SLF2: variants seen among roughly 807,000 people sequenced by gnomAD.
SLF2 encodes SMC5/6 complex localization factor 2.
SLF2 carries 68 observed loss-of-function variants against 124.3 expected under a neutral mutation model. The observed-to-expected ratio is 0.55, with a 90% confidence interval of 0.45 to 0.67. The LOEUF is 0.67. Ranked by LOEUF, SLF2 falls within the 30% of genes least tolerant of loss-of-function variation. SLF2 has a pLI of 0.00. For missense variants in SLF2, 1,246 were observed against 1,373.7 expected (o/e 0.91, Z 1.47); for synonymous variants, 480 against 478.8 (o/e 1.00, Z -0.03).
intron 7 of SLF2, 65 bp from the exon 8 acceptor site, chr10:100,929,765 C>A: frequency 7.9e-7 from 1 of 1,269,708 alleles, no homozygotes; most frequent in Non-Finnish European, 1.1e-6. Flanking sequence ...TTGCACCCAG[C>A]TTTTAAATAC....
intron 11 of SLF2, among the ~76,000 whole-genome samples, chr10:100,941,922 T>G (rs1041101259): frequency 1.3e-5 from 2 of 152,174 alleles, no homozygotes; most frequent in Non-Finnish European, 2.9e-5. Context: ...AACAAGTTCT[T>G]CACATGTAGC....
In SLF2 at chr10:100,927,941, G is replaced by A. The variant is rs967749175; in HGVS notation, c.2043-1376G>A. ...TTGCCTGTTTTTAATTGGCTTGTTT[G>A]GTGGGTGGGGCGGTTCACACAGGTA... On this transcript the variant is annotated intron_variant, in intron 6 of 19. Transcript: ENST00000238961. 3.3e-5 allele frequency among the ~76,000 whole-genome samples: 5 copies of A among 150,664 alleles called. No individual in the cohort carries two copies. In the East Asian group the frequency reaches 7.7e-4, roughly 23 times the overall value.
At chr10:100,922,552 T>C (rs940591240) in intron 4 of SLF2, among the ~76,000 whole-genome samples, 4 of 152,200 alleles carry the variant, frequency 2.6e-5, no homozygotes, top group Non-Finnish European at 5.9e-5. Flanking sequence ...CATCTGTCCA[T>C]GTGCAGAAAA....
intron 12 of SLF2, 77 bp from the exon 13 acceptor site, chr10:100,945,253 A>G: frequency 8.1e-7 from 1 of 1,231,370 alleles, no homozygotes; most frequent in Non-Finnish European, 1.1e-6. Flanking sequence ...CTTTTGTCAA[A>G]AAGAGTTTAT....
chr10:100,916,843 C>G lies in SLF2; in HGVS notation c.458C>G (p.Ser153Cys). 6.2e-7 allele frequency: 1 copy of G among 1,614,158 alleles called. No homozygotes were observed. The highest frequency in any genetic ancestry group is 8.5e-7 in the Non-Finnish European group (1 of 1,180,030). The stretch of plus-strand genomic sequence containing the variant: ...AAAGGAACAAATATCTATGTTCCTT[C>G]TTCATATCACTTGCCAAAGGAGATG... ...LAKGTNIYVP[S>C]SYHLPKEMKS... Residue 153 changes from serine (S) to cysteine (C), a missense_variant, in exon 3 of 20, where the codon TCT (serine) becomes TGT (cysteine). This residue lies in a region of SLF2 where 698 missense variants were observed against 708.9 expected (regional missense o/e 0.98). Transcript: ENST00000238961.
In SLF2 at chr10:100,923,987, A is replaced by G. The variant is rs1237565188; in HGVS notation, c.986A>G (p.Gln329Arg). 3 of 1,544,044 alleles carry G rather than the reference A, an allele frequency of 1.9e-6. No individual in the cohort carries two copies. In the South Asian group the frequency reaches 3.8e-5, roughly 20 times the overall value. ...AATTAAATTTTAGCAGGCTCTAAGC[A>G]GAATAAATTCCCTGAAAAAAGAAAA... Reference protein sequence around the residue: ...SWEPTSAGSKQNKFPEKRKRN... With the variant: ...SWEPTSAGSKRNKFPEKRKRN... Residue 329 changes from glutamine to arginine, a missense_variant, in exon 5 of 20, where the codon CAG (glutamine) becomes CGG (arginine). Gln to Arg is a conservative substitution (Grantham distance 43, BLOSUM62 1). Transcript: ENST00000238961.
intron 9 of SLF2, among the ~76,000 whole-genome samples, chr10:100,937,003 GTAC>G: frequency 6.6e-6 from 1 of 152,096 alleles, no homozygotes; most frequent in East Asian, 1.9e-4. Flanking sequence ...TGTGTAATGA[GTAC>G]TACTTCATAA....
rs1850122836 is a variant in SLF2 at position 100,947,293 on chromosome 10, T to G, written c.3032+157T>G. Among the ~76,000 whole-genome samples, 3 of 152,194 alleles carry G rather than the reference T, an allele frequency of 2.0e-5. No homozygotes were observed. The South Asian group carries it at 6.2e-4, about 31-fold the overall frequency. On this transcript the variant is annotated intron_variant, in intron 14 of 19. Coordinates refer to ENST00000238961, the MANE Select transcript of SLF2 (RefSeq NM_018121.4). ...AGAAAAGGCATTGATAGCCTGATTC[T>G]GCCTTATTCTAATTCTTAACTCAGG... is the stretch of plus-strand genomic sequence containing the variant.
intron 19 of SLF2, among the ~76,000 whole-genome samples, chr10:100,960,740 C>T (rs904452629): frequency 1.3e-5 from 2 of 151,602 alleles, no homozygotes; most frequent in Non-Finnish European, 1.5e-5. Flanking sequence ...GTTGCCTTTC[C>T]TTTATTTTTA....
chr10:100,955,828 C>T (rs1017285691), intron 17 of SLF2, among the ~76,000 whole-genome samples: 26 of 151,364 alleles, frequency 1.7e-4, no homozygotes, highest in Non-Finnish European at 1.6e-4. Flanking sequence ...ATCGCCTGAA[C>T]CTGGGAGCCA....
At chr10:100,935,674 T>G (rs1393939007) in intron 9 of SLF2, among the ~76,000 whole-genome samples, 1 of 151,420 alleles carries the variant, frequency 6.6e-6, no homozygotes, top group Non-Finnish European at 1.5e-5. Context: ...AGTGAGACTC[T>G]GTCTCAAAAA....
chr10:100,945,228 A>C (rs1369574567), intron 12 of SLF2, 102 bp from the exon 13 acceptor site: 1 of 927,980 alleles, frequency 1.1e-6, no homozygotes, highest in Non-Finnish European at 1.6e-6. Context: ...TTTTCTTTAT[A>C]GTTCTTTTTT....
At position 100,962,034 on chromosome 10, in the gene SLF2, C is replaced by A; in HGVS notation, c.*122C>A. On this transcript the variant is annotated 3_prime_UTR_variant, in exon 20 of 20. Coordinates refer to ENST00000238961, the MANE Select transcript of SLF2 (RefSeq NM_018121.4). The stretch of plus-strand genomic sequence containing the variant: ...AAGAAAATGTACAGCAAATGTGCCA[C>A]TTGAATATCTAGTATGAAGCTGGTA... 1.2e-6 allele frequency: 1 copy of A among 840,214 alleles called. No homozygotes were observed. The allele number at this position is 840,214 out of a possible 1,614,324, so 52.0% of individuals were successfully genotyped here.
At position 100,916,012 on chromosome 10, in the gene SLF2, A is replaced by G. The variant is rs1849406053; in HGVS notation, c.154A>G (p.Ile52Val). 1 of 1,611,588 alleles carries G rather than the reference A, an allele frequency of 6.2e-7. No homozygotes were observed. Among genetic ancestry groups the G allele is most frequent in the Non-Finnish European group, 8.5e-7 (1 of 1,178,478 alleles). ...ESPGDRKQSI[I>V]DFFKPASKQD... is the part of the protein sequence containing the mutation. Reference sequence around the variant, plus strand: ...TTTTATTTTCAGGAAGCAGTCAATTATAGATTTCTTCAAACCAGCTTCAAA... The same window carrying G: ...TTTTATTTTCAGGAAGCAGTCAATTGTAGATTTCTTCAAACCAGCTTCAAA... Residue 52 changes from isoleucine (I) to valine (V), a missense_variant, in exon 2 of 20, where the codon ATA (isoleucine) becomes GTA (valine). Ile to Val is a conservative substitution (Grantham distance 29, BLOSUM62 3). This residue lies in a region of SLF2 where 698 missense variants were observed against 708.9 expected (regional missense o/e 0.98). Coordinates refer to ENST00000238961, the MANE Select transcript of SLF2 (RefSeq NM_018121.4).
intron 6 of SLF2, chr10:100,926,353 C>T: frequency 7.4e-7 from 1 of 1,350,490 alleles, no homozygotes; most frequent in East Asian, 2.6e-5. Context: ...GCCTGTAATC[C>T]AGTACTTTAG....
chr10:100,915,033 A>C (rs957470657), intron 1 of SLF2, among the ~76,000 whole-genome samples: 6 of 152,080 alleles, frequency 3.9e-5, no homozygotes, highest in Non-Finnish European at 5.9e-5. Context: ...TTTGCAGCTG[A>C]CAACTCTACA....
chr10:100,939,914 A>G, intron 11 of SLF2, among the ~76,000 whole-genome samples: 1 of 152,236 alleles, frequency 6.6e-6, no homozygotes, highest in East Asian at 1.9e-4. Context: ...TGTAATCTGT[A>G]TCTGAAAATA....
intron 1 of SLF2, 148 bp from the exon 2 acceptor site, chr10:100,915,851 T>G: frequency 1.6e-6 from 1 of 633,192 alleles, no homozygotes; most frequent in Non-Finnish European, 2.8e-6. Flanking sequence ...AATGAACAGT[T>G]TAGCAAAGCA....
chr10:100,921,744 C>G (rs1481850224), intron 4 of SLF2, among the ~76,000 whole-genome samples: 1 of 152,206 alleles, frequency 6.6e-6, no homozygotes, highest in East Asian at 1.9e-4. Flanking sequence ...TCTGACTTCT[C>G]TAGAAAAATG....
Sources: allele counts gnomAD v4.1 joint callset (sites outside exome capture counted in the v4.1 genomes callset), GRCh38; gene constraint gnomAD v4.1.1; regional missense constraint gnomAD v4.1.1; transcripts MANE v1.5; gene names NCBI Gene and HGNC (gene_info 2026-07-23, HGNC 2026-07-21).